The following EFCAB8 variants were observed in gnomAD, a reference collection of about 807,000 sequenced individuals.
The protein encoded by EFCAB8 is EF-hand calcium binding domain 8, also known as EF-hand calcium-binding domain-containing protein 8.
A neutral mutation model predicts 116.3 loss-of-function variants in EFCAB8; 100 were observed. That is an observed-to-expected ratio of 0.86 (90% confidence interval 0.73 to 1.02). The LOEUF is 1.02. EFCAB8 is among the 50% of genes least tolerant of loss of function. The pLI, the probability that EFCAB8 is intolerant of heterozygous loss-of-function variation, is 0.00. For synonymous variants in EFCAB8, 558 were observed against 567.9 expected (o/e 0.98, Z 0.25); for missense variants, 1,320 against 1,416.9 (o/e 0.93, Z 1.10).
At chr20:32,881,996 T>C (rs1218690465) in intron 5 of EFCAB8, among the ~76,000 whole-genome samples, 1 of 152,084 alleles carries the variant, frequency 6.6e-6, no homozygotes, top group Non-Finnish European at 1.5e-5. Context: ...TTACCTGAGG[T>C]CAGGAGTCCT....
chr20:32,961,246 G>C lies in EFCAB8; in HGVS notation c.3504G>C (p.Leu1168=). The part of the protein sequence containing the change: ...GPDQQDQHIR[L]VAHHVQKDLV... ...ACCAGCAAGACCAGCACATCCGCCT[G>C]GTGGCCCACCATGTCCAGAAGGACC... Residue 1168 remains leucine (L), a synonymous_variant, in exon 27 of 27, where the codon CTG becomes CTC. Transcript: ENST00000400522. 6.4e-7 allele frequency: 1 copy of C among 1,551,632 alleles called. No homozygotes were observed. Among genetic ancestry groups the C allele is most frequent in the Non-Finnish European group, 8.7e-7 (1 of 1,146,822 alleles).
At chr20:32,931,851 T>A (rs995212028) in intron 22 of EFCAB8, among the ~76,000 whole-genome samples, 1 of 152,140 alleles carries the variant, frequency 6.6e-6, no homozygotes, top group African/African-American at 2.4e-5. Context: ...TACAAATAAA[T>A]TACAGTGTAA....
intron 4 of EFCAB8, 62 bp downstream of exon 4, chr20:32,876,106 C>A: frequency 1.4e-6 from 2 of 1,402,940 alleles, no homozygotes; most frequent in South Asian, 2.5e-5. Context: ...CAGTCCTTGA[C>A]CAGTTGGTGG....
intron 22 of EFCAB8, among the ~76,000 whole-genome samples, chr20:32,941,658 G>C (rs1346195458): frequency 6.6e-6 from 1 of 152,176 alleles, no homozygotes; most frequent in Non-Finnish European, 1.5e-5. Flanking sequence ...GACATGTCCA[G>C]AATGTCCATA....
intron 21 of EFCAB8, among the ~76,000 whole-genome samples, 155 bp downstream of exon 21, chr20:32,930,771 A>G (rs1987877220): frequency 6.6e-6 from 1 of 152,188 alleles, no homozygotes; most frequent in Non-Finnish European, 1.5e-5. Context: ...TGCTCTGCTA[A>G]GCCCAGTGAC....
chr20:32,913,093 T>C (rs1477218733), intron 17 of EFCAB8, among the ~76,000 whole-genome samples: 1 of 152,230 alleles, frequency 6.6e-6, no homozygotes, highest in South Asian at 2.1e-4. Flanking sequence ...AACAAGAATA[T>C]TGGAGTCTTC....
intron 20 of EFCAB8, among the ~76,000 whole-genome samples, chr20:32,921,994 T>C (rs1987482414): frequency 6.6e-6 from 1 of 152,098 alleles, no homozygotes; most frequent in Admixed American, 6.5e-5. Flanking sequence ...CATGCCCAGC[T>C]GCTTTTTTAT....
intron 17 of EFCAB8, among the ~76,000 whole-genome samples, chr20:32,913,704 G>T (rs1987048401): frequency 8.1e-6 from 1 of 123,850 alleles, no homozygotes; most frequent in African/African-American, 4.5e-5. Context: ...GTGAACCTGT[G>T]ATGCTAACAC....
At chr20:32,901,472 A>G (rs1986423086) in intron 11 of EFCAB8, among the ~76,000 whole-genome samples, 1 of 149,126 alleles carries the variant, frequency 6.7e-6, no homozygotes, top group Non-Finnish European at 1.5e-5. Flanking sequence ...TTTCATTCAG[A>G]TCTTGTTTTA....
chr20:32,957,797 C>T (rs1600473717), intron 23 of EFCAB8, among the ~76,000 whole-genome samples: 2 of 152,038 alleles, frequency 1.3e-5, no homozygotes, highest in South Asian at 4.2e-4. Flanking sequence ...AAGAAAGCAG[C>T]TCCCACTCCC....
At position 32,875,939 on chromosome 20, in the gene EFCAB8, C is replaced by T. The variant is rs780962390; in HGVS notation, c.222C>T (p.Asp74=). ...CTCTCTTTGAAGCCCTGGGCATGGA[C>T]GCCTTCATCAAGGCCATGAAGAAGG... is the stretch of plus-strand genomic sequence containing the variant. The part of the protein sequence containing the change: ...DINSTGALGM[D]AFIKAMKKVL... Residue 74 remains aspartate, a synonymous_variant, in exon 4 of 27, where the codon GAC becomes GAT. Coordinates refer to ENST00000400522, the MANE Select transcript of EFCAB8 (RefSeq NM_001143967.2). The T allele has an allele frequency of 2.5e-4, 391 of 1,551,624 alleles. No homozygotes were observed. The highest frequency in any genetic ancestry group is 2.4e-5 in the South Asian group (2 of 84,058).
At chr20:32,902,838 G>T (rs1258881877) in intron 11 of EFCAB8, among the ~76,000 whole-genome samples, 3 of 152,206 alleles carry the variant, frequency 2.0e-5, no homozygotes, top group African/African-American at 7.2e-5. Flanking sequence ...CCTCACCTGA[G>T]TTCTCAGATG....
chr20:32,958,941 A>G (rs1475538508), intron 24 of EFCAB8, among the ~76,000 whole-genome samples: 2 of 152,168 alleles, frequency 1.3e-5, no homozygotes, highest in African/African-American at 4.8e-5. Flanking sequence ...CCTGATCCTG[A>G]GAGGACATTT....
chr20:32,881,691 A>G (rs1003813709), intron 5 of EFCAB8, among the ~76,000 whole-genome samples: 3 of 152,184 alleles, frequency 2.0e-5, no homozygotes, highest in African/African-American at 7.2e-5. Flanking sequence ...GATCATTGGT[A>G]GCAAAGCTAC....
rs55836743 is a variant in EFCAB8, at chr20:32,952,400, C to T, written c.2960-6021C>T. Among the ~76,000 whole-genome samples, 719 of 152,190 alleles carry T rather than the reference C, an allele frequency of 4.7e-3. 5 individuals are homozygous for T. Among genetic ancestry groups the T allele is most frequent in the African/African-American group, 0.016 (679 of 41,514 alleles). ...ATAGTTTTCACTCTTACTTTTTGGT[C>T]TATAATCATTTTGAGTTAATTTTTG... On this transcript the variant is annotated intron_variant, in intron 23 of 26. Transcript: ENST00000400522.
chr20:32,878,579 G>T, intron 4 of EFCAB8, 125 bp from the exon 5 acceptor site: 1 of 589,828 alleles, frequency 1.7e-6, no homozygotes, highest in South Asian at 1.9e-5. Context: ...CTGCAGTGGC[G>T]CAATCTCGGC....
intron 2 of EFCAB8, among the ~76,000 whole-genome samples, chr20:32,865,737 T>C (rs1955334391): frequency 6.6e-6 from 1 of 151,110 alleles, no homozygotes; most frequent in Non-Finnish European, 1.5e-5. Context: ...AGGCAGAGGT[T>C]GCAGTGAGCT....
rs575329785 is a variant in EFCAB8 at position 32,918,521 on chromosome 20, C to T, written c.2221C>T (p.Pro741Ser). ...GAGGCGGAGCCTGGTGTCGGCTCCC[C>T]CAGTGATGCGGTGCCCGAGAGACAA... ...NLRRSLVSAP[P>S]VMRCPRDKEP... Residue 741 changes from proline (P) to serine (S), a missense_variant, in exon 19 of 27, where the codon CCA becomes TCA. Transcript: ENST00000400522. 3.0e-5 allele frequency: 47 copies of T among 1,551,708 alleles called. No homozygotes were observed. The African/African-American group carries it at 5.7e-4, about 19-fold the overall frequency.
intron 16 of EFCAB8, 115 bp from the exon 17 acceptor site, chr20:32,912,679 A>G (rs1425906560): frequency 2.9e-6 from 2 of 696,324 alleles, no homozygotes; most frequent in Non-Finnish European, 5.3e-6. Context: ...CCTGTAGGTG[A>G]TTTTCGTCAT....
Sources: allele counts gnomAD v4.1 joint callset (sites outside exome capture counted in the v4.1 genomes callset), GRCh38; gene constraint gnomAD v4.1.1; transcripts MANE v1.5; gene names NCBI Gene and HGNC (gene_info 2026-07-23, HGNC 2026-07-21).